The following PCDHGA4 variants were observed in gnomAD, a reference collection of about 807,000 sequenced individuals.
The protein encoded by PCDHGA4 is protocadherin gamma subfamily A, 4.
Under a neutral mutation model 54.6 loss-of-function variants are expected in PCDHGA4, and 38 were observed. That is an observed-to-expected ratio of 0.70 (90% CI 0.54 to 0.91). The LOEUF (loss-of-function observed/expected upper bound fraction) is 0.91. PCDHGA4 is among the 40% of genes least tolerant of loss of function. PCDHGA4 has a pLI of 0.00. For missense variants in PCDHGA4, 1,298 were observed against 1,220.9 expected (o/e 1.06, Z -0.94); for synonymous variants, 511 against 512.9 (o/e 1.00, Z 0.05).
chr5:141,432,481 C>G lies in PCDHGA4; in HGVS notation c.2515-62326C>G. 6.2e-7 allele frequency: 1 copy of G among 1,614,198 alleles called. No homozygotes were observed. On this transcript the variant is annotated intron_variant, in intron 1 of 3. Coordinates refer to ENST00000571252, the MANE Select transcript of PCDHGA4 (RefSeq NM_018917.4). This position sits in a 1 kb window ranked among gnomAD's most constrained non-coding sequence, Gnocchi z 6.0. ...CCCTCCCCACGGACGGTTCCACTGG[C>G]GTGGAGCTGGCTCCCCGCTCCGCAG...
At chr5:141,467,059 T>C (rs1157689140) in intron 1 of PCDHGA4, among the ~76,000 whole-genome samples, 2 of 151,064 alleles carry the variant, frequency 1.3e-5, no homozygotes, top group African/African-American at 2.4e-5. Context: ...TGTTTTCTTT[T>C]TTTTTTTTTT....
Position 141,491,383 on chromosome 5 carries a change from A to C in PCDHGA4, c.2515-3424A>C. The C allele has an allele frequency of 6.2e-7, 1 of 1,614,036 alleles. No individual in the cohort carries two copies. The highest frequency in any genetic ancestry group is 8.5e-7 in the Non-Finnish European group (1 of 1,179,962). ...AGTCACCTTCACCTTTCTGTCAGCG[A>C]AGTGCCTTCAGGGAAACGCAGACGG... On this transcript the variant is annotated intron_variant, in intron 1 of 3. Transcript: ENST00000571252. This position sits in a 1 kb window ranked among gnomAD's most constrained non-coding sequence, Gnocchi z 6.9.
At chr5:141,430,784 G>T in intron 1 of PCDHGA4, 1 of 1,512,418 alleles carries the variant, frequency 6.6e-7, no homozygotes, top group East Asian at 2.3e-5. Flanking sequence ...ACTGCACCGG[G>T]ACTACAAAGG....
At chr5:141,404,089 T>A in intron 1 of PCDHGA4, 2 of 1,613,496 alleles carry the variant, frequency 1.2e-6, no homozygotes, top group Non-Finnish European at 1.7e-6. Flanking sequence ...CCGGGAAGAA[T>A]GGTCAAGTTG....
At chr5:141,481,718 C>T (rs942120251) in intron 1 of PCDHGA4, among the ~76,000 whole-genome samples, 6 of 152,082 alleles carry the variant, frequency 3.9e-5, no homozygotes, top group East Asian at 1.9e-4. Context: ...CTTTGGGAGG[C>T]GGAGGCGGGC....
intron 1 of PCDHGA4, chr5:141,441,746 C>A: frequency 5.4e-6 from 2 of 371,314 alleles, no homozygotes; most frequent in East Asian, 9.8e-5. Flanking sequence ...TCGCGCTCGG[C>A]GTCAACGTGA....
chr5:141,387,767 T>C, intron 1 of PCDHGA4: 5 of 1,435,258 alleles, frequency 3.5e-6, no homozygotes, highest in Non-Finnish European at 4.6e-6. Context: ...AAGAAGAATT[T>C]TTTCTTGAAC....
intron 1 of PCDHGA4, chr5:141,371,912 C>G (rs1768180129): frequency 6.2e-7 from 1 of 1,613,380 alleles, no homozygotes; most frequent in Non-Finnish European, 8.5e-7. Flanking sequence ...CCTACGTGTC[C>G]GTGAGCGCGC....
At chr5:141,419,049 C>T in intron 1 of PCDHGA4, 6 of 1,613,954 alleles carry the variant, frequency 3.7e-6, no homozygotes, top group Non-Finnish European at 5.1e-6. Flanking sequence ...ATTCATTCTT[C>T]TTCTAATAAT....
At chr5:141,421,776 G>A in intron 1 of PCDHGA4, 5 of 1,613,876 alleles carry the variant, frequency 3.1e-6, no homozygotes, top group Non-Finnish European at 3.4e-6. Context: ...CCTTGCAACT[G>A]CGGGGCAGAA....
At position 141,477,056 on chromosome 5, in the gene PCDHGA4, G is replaced by T; in HGVS notation, c.2515-17751G>T. 6.2e-7 allele frequency: 1 copy of T among 1,614,242 alleles called. No homozygotes were observed. The highest frequency in any genetic ancestry group is 8.5e-7 in the Non-Finnish European group (1 of 1,180,046). Reference sequence around the variant, plus strand: ...AATCAAGGGTCGGCTGGACTTCGAGGACACCAAACTCCATGAGATTTACAT... The same window carrying T: ...AATCAAGGGTCGGCTGGACTTCGAGTACACCAAACTCCATGAGATTTACAT... On this transcript the variant is annotated intron_variant, in intron 1 of 3. Coordinates refer to ENST00000571252, the MANE Select transcript of PCDHGA4 (RefSeq NM_018917.4). This position sits in a 1 kb window ranked among gnomAD's most constrained non-coding sequence, Gnocchi z 4.9.
chr5:141,374,416 G>A, intron 1 of PCDHGA4: 2 of 1,613,948 alleles, frequency 1.2e-6, no homozygotes, highest in Non-Finnish European at 1.7e-6. Context: ...TCCTTGTCGA[G>A]GATAAACTGA....
chr5:141,476,744 C>A lies in PCDHGA4; in HGVS notation c.2515-18063C>A, dbSNP rs1168392300. ...CCTGGACCGAGAACGGGAGCCTAGT[C>A]TCCAGTTAGTGCTGACGGCGTTGGA... On this transcript the variant is annotated intron_variant, in intron 1 of 3. Coordinates refer to ENST00000571252, the MANE Select transcript of PCDHGA4 (RefSeq NM_018917.4). The surrounding 1 kb of genome is among the most constrained non-coding windows in gnomAD (Gnocchi z 7.6). 1.2e-6 allele frequency: 2 copies of A among 1,614,046 alleles called. No individual in the cohort carries two copies. Among genetic ancestry groups the A allele is most frequent in the Admixed American group, 3.3e-5 (2 of 60,034 alleles).
intron 1 of PCDHGA4, chr5:141,389,183 T>C: frequency 6.2e-7 from 1 of 1,613,988 alleles, no homozygotes. Context: ...TCTCCTCCAG[T>C]TCCAGCATCA....
At chr5:141,370,305 G>T in intron 1 of PCDHGA4, 2 of 1,206,280 alleles carry the variant, frequency 1.7e-6, no homozygotes, top group Non-Finnish European at 2.3e-6. Context: ...CAAAGACAAA[G>T]CAAATAGTTG....
At chr5:141,457,522 G>A (rs1200640017) in intron 1 of PCDHGA4, among the ~76,000 whole-genome samples, 1 of 152,188 alleles carries the variant, frequency 6.6e-6, no homozygotes, top group Non-Finnish European at 1.5e-5. Flanking sequence ...AACAATTAAT[G>A]AGACTAGGGT....
rs763792447 is a variant in PCDHGA4, at chr5:141,362,267, T to C, written c.2514+4646T>C. On this transcript the variant is annotated intron_variant, in intron 1 of 3. Coordinates refer to ENST00000571252, the MANE Select transcript of PCDHGA4 (RefSeq NM_018917.4). ...TTCTTCCTCGCGGTGATTCTGGCAA[T>C]CTCCCTGCGCCTGCGACTCTCTTCC... The C allele has an allele frequency of 4.3e-6, 7 of 1,613,980 alleles. No homozygotes were observed. The Admixed American group carries it at 1.2e-4, about 27-fold the overall frequency.
chr5:141,372,088 C>T (rs1768398605), intron 1 of PCDHGA4: 4 of 1,613,762 alleles, frequency 2.5e-6, no homozygotes, highest in Middle Eastern at 1.7e-4. Context: ...GTGCTGTACC[C>T]AGCTCTGGGG....
chr5:141,362,269 T>C, intron 1 of PCDHGA4: 2 of 1,614,034 alleles, frequency 1.2e-6, no homozygotes, highest in Non-Finnish European at 1.7e-6. Context: ...TCTGGCAATC[T>C]CCCTGCGCCT....
Sources: gnomAD v4.1 joint callset for allele counts (sites outside exome capture counted in the v4.1 genomes callset) on GRCh38, gnomAD v4.1.1 for gene constraint, Gnocchi (gnomAD v3.1) non-coding constraint, MANE v1.5 for transcripts, NCBI Gene and HGNC (gene_info 2026-07-23, HGNC 2026-07-21) for gene names.